PDE7B: variants seen among roughly 807,000 people sequenced by gnomAD.
PDE7B encodes phosphodiesterase 7B.
In PDE7B, 29 loss-of-function variants were observed where a neutral mutation model predicts 56.2. The ratio of observed to expected loss-of-function variants is 0.52; its 90% CI spans 0.38 to 0.70. The LOEUF (loss-of-function observed/expected upper bound fraction) is 0.70. PDE7B is among the 30% of genes least tolerant of loss of function. PDE7B has a pLI of 0.00. For missense variants in PDE7B, 490 were observed against 565.0 expected (o/e 0.87, Z 1.35); for synonymous variants, 197 against 196.9 (o/e 1.00, Z 0.00).
rs557679454 is a variant in PDE7B, at chr6:136,068,587, C to T, written c.83-40144C>T. On this transcript the variant is annotated intron_variant, in intron 2 of 12. Transcript: ENST00000308191. ...CTGGGACTACAGGCGCCCGCCACCA[C>T]GCCCGGCTAATTTTTTTGTGTTTTT... Among the ~76,000 whole-genome samples the T allele has an allele frequency of 1.5e-4, 23 of 152,080 alleles. 1 individual carries two copies. In the South Asian group the frequency reaches 4.2e-3, roughly 27 times the overall value.
chr6:136,156,501 T>G (rs550454325), intron 8 of PDE7B, among the ~76,000 whole-genome samples: 1 of 152,170 alleles, frequency 6.6e-6, no homozygotes, highest in Non-Finnish European at 1.5e-5. Context: ...TGAGCTACCA[T>G]GCCCGACCGA....
chr6:136,106,616 C>T (rs1777648676), intron 2 of PDE7B, among the ~76,000 whole-genome samples: 1 of 152,188 alleles, frequency 6.6e-6, no homozygotes, highest in African/African-American at 2.4e-5. Context: ...CCTTCACAAC[C>T]ATTCTTCTCT....
chr6:136,046,792 A>G (rs1251065744), intron 2 of PDE7B, among the ~76,000 whole-genome samples: 3 of 152,320 alleles, frequency 2.0e-5, no homozygotes, highest in South Asian at 4.1e-4. Flanking sequence ...AAGAATAAAG[A>G]AAATCCTTTC....
intron 1 of PDE7B, among the ~76,000 whole-genome samples, chr6:135,902,636 T>C (rs971080161): frequency 5.3e-5 from 8 of 152,198 alleles, no homozygotes; most frequent in Non-Finnish European, 8.8e-5. Flanking sequence ...TTTTTCTTAT[T>C]TTGATCCTAG....
intron 3 of PDE7B, among the ~76,000 whole-genome samples, chr6:136,114,060 G>T (rs1471749027): frequency 6.6e-6 from 1 of 152,214 alleles, no homozygotes; most frequent in African/African-American, 2.4e-5. Context: ...CTGCTACAGA[G>T]AACCCAGAGC....
intron 2 of PDE7B, among the ~76,000 whole-genome samples, chr6:135,954,549 T>C (rs1036656080): frequency 6.6e-6 from 1 of 152,162 alleles, no homozygotes; most frequent in Non-Finnish European, 1.5e-5. Context: ...TTAACATGCA[T>C]TCATTGAGCA....
At chr6:136,008,132 C>T (rs1775822291) in intron 2 of PDE7B, among the ~76,000 whole-genome samples, 1 of 151,900 alleles carries the variant, frequency 6.6e-6, no homozygotes, top group African/African-American at 2.4e-5. Context: ...TGGTTTCCAG[C>T]TTCATCCATG....
chr6:136,055,964 G>T (rs923406970), intron 2 of PDE7B, among the ~76,000 whole-genome samples: 4 of 152,194 alleles, frequency 2.6e-5, no homozygotes, highest in Admixed American at 6.5e-5. Context: ...AAGACTAAAA[G>T]ATTCCAGAAA....
intron 1 of PDE7B, among the ~76,000 whole-genome samples, chr6:135,934,898 T>A (rs1255100325): frequency 9.6e-6 from 1 of 104,012 alleles, no homozygotes; most frequent in African/African-American, 4.2e-5. Context: ...AATATATATT[T>A]AAATATATAT....
intron 3 of PDE7B, among the ~76,000 whole-genome samples, chr6:136,128,303 C>A (rs1778054910): frequency 6.6e-6 from 1 of 152,118 alleles, no homozygotes; most frequent in African/African-American, 2.4e-5. Context: ...GCTTTATTTG[C>A]AAAGATGGAA....
At chr6:135,989,342 G>A (rs960414812) in intron 2 of PDE7B, among the ~76,000 whole-genome samples, 18 of 152,154 alleles carry the variant, frequency 1.2e-4, no homozygotes, top group African/African-American at 2.7e-4. Context: ...GGCCGAGCGC[G>A]ATGGCTCACG....
intron 2 of PDE7B, among the ~76,000 whole-genome samples, chr6:135,969,631 T>A (rs1355336932): frequency 6.6e-6 from 1 of 152,102 alleles, no homozygotes; most frequent in Non-Finnish European, 1.5e-5. Flanking sequence ...TCAAGGTGGG[T>A]TAAGGACTTA....
chr6:135,860,665 A>C (rs1364786664), intron 1 of PDE7B, among the ~76,000 whole-genome samples: 1 of 152,014 alleles, frequency 6.6e-6, no homozygotes, highest in Non-Finnish European at 1.5e-5. Context: ...AGAATTCTTG[A>C]GAGAATGGAA....
chr6:136,107,700 C>A (rs539160111), intron 2 of PDE7B, among the ~76,000 whole-genome samples: 15 of 152,266 alleles, frequency 9.9e-5, no homozygotes, highest in Admixed American at 2.0e-4. Context: ...ACACAAGTAG[C>A]AAGCGTCTGG....
chr6:136,152,099 G>C (rs1482915627), intron 6 of PDE7B, among the ~76,000 whole-genome samples: 5 of 152,182 alleles, frequency 3.3e-5, no homozygotes, highest in Non-Finnish European at 5.9e-5. Context: ...TCCTGTCTCA[G>C]GGTGGCCAAG....
chr6:135,998,255 G>T (rs1486757554), intron 2 of PDE7B, among the ~76,000 whole-genome samples: 2 of 152,158 alleles, frequency 1.3e-5, no homozygotes, highest in Non-Finnish European at 2.9e-5. Context: ...TCTGCCACCA[G>T]TTGGAATTCA....
At chr6:136,160,982 A>AT (rs1225828225) in intron 8 of PDE7B, among the ~76,000 whole-genome samples, 1 of 152,178 alleles carries the variant, frequency 6.6e-6, no homozygotes, top group East Asian at 1.9e-4. Context: ...TAATTCATAG[A>AT]TAAAAACAAA....
chr6:136,025,580 G>C lies in PDE7B; in HGVS notation c.82+78056G>C, dbSNP rs114432304. Reference sequence around the variant, plus strand: ...TCCTTCCCTTAGGGATATTACACGGGAACCTAGCCTTTCTATCACTCTGCA... The same window carrying C: ...TCCTTCCCTTAGGGATATTACACGGCAACCTAGCCTTTCTATCACTCTGCA... On this transcript the variant is annotated intron_variant, in intron 2 of 12. Coordinates refer to ENST00000308191, the MANE Select transcript of PDE7B (RefSeq NM_018945.4). Among the ~76,000 whole-genome samples, 984 of 152,298 alleles carry C rather than the reference G, an allele frequency of 6.5e-3. 8 individuals carry two copies. The highest frequency in any genetic ancestry group is 0.022 in the African/African-American group (927 of 41,542).
At chr6:136,142,326 G>T (rs1194656816) in intron 3 of PDE7B, among the ~76,000 whole-genome samples, 1 of 152,148 alleles carries the variant, frequency 6.6e-6, no homozygotes, top group Non-Finnish European at 1.5e-5. Context: ...GAGACAGTTT[G>T]TTATAATTTC....
Sources: gnomAD v4.1 joint callset for allele counts (sites outside exome capture counted in the v4.1 genomes callset) on GRCh38, gnomAD v4.1.1 for gene constraint, MANE v1.5 for transcripts, NCBI Gene and HGNC (gene_info 2026-07-23, HGNC 2026-07-21) for gene names.